ANTXR1: variants seen among roughly 807,000 people sequenced by gnomAD.
ANTXR1 encodes anthrax toxin receptor 1.
ANTXR1 carries 19 observed loss-of-function variants against 78.1 expected under a neutral mutation model. That is an observed-to-expected ratio of 0.24 (90% confidence interval 0.17 to 0.36). ANTXR1 has a LOEUF of 0.36. ANTXR1 is among the 10% of genes least tolerant of loss of function. ANTXR1 has a pLI of 1.00. For synonymous variants in ANTXR1, 273 were observed against 260.5 expected (o/e 1.05, Z -0.46); for missense variants, 518 against 718.6 (o/e 0.72, Z 3.19).
chr2:69,201,741 C>T (rs559005266), intron 17 of ANTXR1, among the ~76,000 whole-genome samples: 1 of 152,114 alleles, frequency 6.6e-6, no homozygotes, highest in Non-Finnish European at 1.5e-5. Flanking sequence ...TTGGCCCAAG[C>T]GACATTGCTG....
chr2:69,059,965 T>C (rs1414718589), intron 3 of ANTXR1, among the ~76,000 whole-genome samples: 2 of 152,160 alleles, frequency 1.3e-5, no homozygotes, highest in Non-Finnish European at 2.9e-5. Context: ...CCAATGAAAA[T>C]AGAGTTGTAT....
At chr2:69,197,405 A>G (rs1194100619) in intron 17 of ANTXR1, among the ~76,000 whole-genome samples, 2 of 152,132 alleles carry the variant, frequency 1.3e-5, no homozygotes, top group African/African-American at 4.8e-5. Context: ...TTTCCATTTC[A>G]TACGCTACTT....
At chr2:69,098,684 C>T (rs35685045) in intron 9 of ANTXR1, among the ~76,000 whole-genome samples, 61,743 of 152,102 alleles carry the variant, frequency 0.41, 12,899 homozygotes, top group Admixed American at 0.49. Flanking sequence ...AAAAATCACC[C>T]TTTTAAAAGG....
intron 17 of ANTXR1, among the ~76,000 whole-genome samples, chr2:69,233,681 A>G (rs1368625126): frequency 6.6e-6 from 1 of 151,952 alleles, no homozygotes; most frequent in African/African-American, 2.4e-5. Flanking sequence ...TTTTTAACAG[A>G]AGTAAGGATA....
At chr2:69,052,621 T>G (rs1320766909) in intron 3 of ANTXR1, among the ~76,000 whole-genome samples, 2 of 152,106 alleles carry the variant, frequency 1.3e-5, no homozygotes, top group East Asian at 3.8e-4. Flanking sequence ...TGTAAAGTAC[T>G]TTGTGTAGTA....
rs183230641 is a variant in ANTXR1 at position 69,245,732 on chromosome 2, G to A, written c.*247G>A. On this transcript the variant is annotated 3_prime_UTR_variant, in exon 18 of 18. Transcript: ENST00000303714. ...GCCAGCCATCTATCACCTCTAGAAG[G>A]TTCCAGAGACAGTGAAACTGCAAGA... The A allele has an allele frequency of 4.1e-6, 2 of 491,920 alleles. No individual in the cohort carries two copies. Among genetic ancestry groups the A allele is most frequent in the South Asian group, 5.3e-5 (2 of 37,420 alleles). 30.5% of individuals were successfully genotyped at this position (491,920 alleles called of 1,614,324 possible).
intron 17 of ANTXR1, among the ~76,000 whole-genome samples, chr2:69,198,267 GCTC>G (rs1479444876): frequency 6.6e-5 from 10 of 152,248 alleles, no homozygotes; most frequent in Non-Finnish European, 1.3e-4. Context: ...CTCCCCAGAT[GCTC>G]CTCAATATTA....
chr2:69,104,353 C>T (rs1335335041), intron 10 of ANTXR1, among the ~76,000 whole-genome samples: 3 of 152,228 alleles, frequency 2.0e-5, no homozygotes, highest in Non-Finnish European at 2.9e-5. Flanking sequence ...CAGACACATG[C>T]TGTGTCTTCC....
chr2:69,174,412 C>T (rs368947412), intron 14 of ANTXR1, among the ~76,000 whole-genome samples: 1 of 152,064 alleles, frequency 6.6e-6, no homozygotes, highest in South Asian at 2.1e-4. Flanking sequence ...CCGAGGCGGG[C>T]AGAGTACTTG....
chr2:69,232,555 A>G (rs988792424), intron 17 of ANTXR1, among the ~76,000 whole-genome samples: 1 of 151,948 alleles, frequency 6.6e-6, no homozygotes, highest in Non-Finnish European at 1.5e-5. Flanking sequence ...ATTACTATTC[A>G]GTCCAAGAGG....
chr2:69,216,777 G>T (rs1675188896), intron 17 of ANTXR1, among the ~76,000 whole-genome samples: 1 of 152,062 alleles, frequency 6.6e-6, no homozygotes, highest in Non-Finnish European at 1.5e-5. Context: ...CCCTTTCACG[G>T]GACCACTGAA....
At chr2:69,203,261 C>A (rs1260942416) in intron 17 of ANTXR1, among the ~76,000 whole-genome samples, 1 of 152,114 alleles carries the variant, frequency 6.6e-6, no homozygotes, top group South Asian at 2.1e-4. Context: ...AGGAAATGTT[C>A]CTAGAGGGTG....
intron 17 of ANTXR1, 43 bp from the exon 18 acceptor site, chr2:69,245,182 G>A (rs1675986908): frequency 1.2e-6 from 2 of 1,613,166 alleles, no homozygotes; most frequent in Non-Finnish European, 1.7e-6. Context: ...GCCCTGATGT[G>A]AGGCCGTCCG....
chr2:69,096,363 A>AC lies in ANTXR1; in HGVS notation c.703+5444_703+5445insC, dbSNP rs1671424899. Among the ~76,000 whole-genome samples the AC allele has an allele frequency of 4.7e-5, 4 of 85,782 alleles. 1 individual carries two copies. The highest frequency in any genetic ancestry group is 2.2e-4 in the African/African-American group (4 of 18,484). The allele number at this position is 85,782 out of a possible 152,430, so 56.3% of individuals were successfully genotyped here. ...GAGGAAGGGAGGAAGGGAGGAAGGG[A>AC]GGAAGGGAGGAAGGAGGGAAGGAAG... On this transcript the variant is annotated intron_variant, in intron 9 of 17. Transcript: ENST00000303714.
intron 12 of ANTXR1, chr2:69,145,277 G>A (rs1171247728): frequency 6.5e-7 from 1 of 1,540,928 alleles, no homozygotes; most frequent in Non-Finnish European, 8.8e-7. Context: ...GGCCAGGGGA[G>A]TAGCCCTTAT....
At chr2:69,238,139 C>G (rs183533056) in intron 17 of ANTXR1, among the ~76,000 whole-genome samples, 1 of 152,224 alleles carries the variant, frequency 6.6e-6, no homozygotes, top group African/African-American at 2.4e-5. Context: ...TCCTGACTAA[C>G]TAACTACCTG....
In ANTXR1 at chr2:69,106,634, T is replaced by A. The variant is rs184881720; in HGVS notation, c.802+3694T>A. On this transcript the variant is annotated intron_variant, in intron 10 of 17. Coordinates refer to ENST00000303714, the MANE Select transcript of ANTXR1 (RefSeq NM_032208.3). ...TGAAAATCCACAGGTGTAATGATGT[T>A]ACACCACCCATGTGATACAGAAGCA... Among the ~76,000 whole-genome samples, 238 of 152,252 alleles carry A rather than the reference T, an allele frequency of 1.6e-3. 3 individuals carry two copies. In the South Asian group the frequency reaches 0.027, roughly 18 times the overall value.
In ANTXR1 at chr2:69,013,514, G is replaced by A. The variant is rs1573763865; in HGVS notation, c.15G>A (p.Glu5=). Residue 5 remains glutamate (E), a synonymous_variant, in exon 1 of 18, where the codon GAG becomes GAA. Coordinates refer to ENST00000303714, the MANE Select transcript of ANTXR1 (RefSeq NM_032208.3). This position sits in a 1 kb window ranked among gnomAD's most constrained non-coding sequence, Gnocchi z 5.0. MATA[E]RRALGIGFQW... ...GGCTGCGGGCCATGGCCACGGCGGAGCGGAGAGCCCTCGGCATCGGCTTCC... is the reference window on the plus strand; with the variant it reads ...GGCTGCGGGCCATGGCCACGGCGGAACGGAGAGCCCTCGGCATCGGCTTCC... 1 of 1,589,178 alleles carries A rather than the reference G, an allele frequency of 6.3e-7. No individual in the cohort carries two copies. The highest frequency in any genetic ancestry group is 8.5e-7 in the Non-Finnish European group (1 of 1,169,822).
chr2:69,046,174 T>G (rs1222488265), intron 3 of ANTXR1, among the ~76,000 whole-genome samples: 2 of 152,158 alleles, frequency 1.3e-5, no homozygotes, highest in Non-Finnish European at 2.9e-5. Context: ...CACATCCTCC[T>G]ACAACCCGAG....
Sources: gnomAD v4.1 joint callset for allele counts (sites outside exome capture counted in the v4.1 genomes callset) on GRCh38, gnomAD v4.1.1 for gene constraint, Gnocchi (gnomAD v3.1) non-coding constraint, MANE v1.5 for transcripts, NCBI Gene and HGNC (gene_info 2026-07-23, HGNC 2026-07-21) for gene names.